The following SND1 variants were observed in gnomAD, a reference collection of about 807,000 sequenced individuals.
SND1 encodes staphylococcal nuclease domain-containing protein 1.
SND1 carries 38 observed loss-of-function variants against 121.7 expected under a neutral mutation model. That is an observed-to-expected ratio of 0.31 (90% CI 0.24 to 0.41). The LOEUF (loss-of-function observed/expected upper bound fraction) is 0.41, where lower values mean the gene tolerates loss of function less well. Ranked by LOEUF, SND1 falls within the 10% of genes least tolerant of loss-of-function variation. SND1 has a pLI of 1.00. For missense variants in SND1, 868 were observed against 1,184.6 expected, an observed-to-expected ratio of 0.73 and a Z score of 3.92; for synonymous variants, 401 against 447.4, an observed-to-expected ratio of 0.90 and a Z score of 1.31.
At chr7:127,996,905 C>T (rs17676986) in intron 16 of SND1, among the ~76,000 whole-genome samples, 19,181 of 152,232 alleles carry the variant, frequency 0.13, 1,504 homozygotes, top group South Asian at 0.24. Context: ...CAGTTCATCA[C>T]CCACCAGTGG....
intron 10 of SND1, among the ~76,000 whole-genome samples, chr7:127,726,750 C>G (rs1219821184): frequency 6.6e-6 from 1 of 152,128 alleles, no homozygotes; most frequent in Non-Finnish European, 1.5e-5. Context: ...TCTGTTCTTG[C>G]GGTGCTATTG....
chr7:127,946,415 A>G lies in SND1; in HGVS notation c.1669+17086A>G, dbSNP rs1801332314. ...TGCAACCCTTATAAATTATTCAGCT[A>G]CTTTATTAATAAAAGACCAAGCAAC... On this transcript the variant is annotated intron_variant, in intron 15 of 23. Coordinates refer to ENST00000354725, the MANE Select transcript of SND1 (RefSeq NM_014390.4). Among the ~76,000 whole-genome samples, 2 of 152,198 alleles carry G rather than the reference A, an allele frequency of 1.3e-5. 1 individual carries two copies. The highest frequency in any genetic ancestry group is 4.1e-4 in the South Asian group (2 of 4,834).
chr7:127,687,486 A>G (rs1266291911), intron 2 of SND1, among the ~76,000 whole-genome samples: 2 of 152,008 alleles, frequency 1.3e-5, no homozygotes, highest in Non-Finnish European at 2.9e-5. Context: ...CCCCTTTTGG[A>G]GTCCCCAGTG....
intron 11 of SND1, among the ~76,000 whole-genome samples, chr7:127,818,632 C>T (rs566142443): frequency 2.6e-5 from 4 of 152,204 alleles, no homozygotes; most frequent in Non-Finnish European, 4.4e-5. Context: ...GCTGTGTGTG[C>T]GTTGTATGAT....
Position 127,656,324 on chromosome 7 carries a change from C to CT in SND1, c.78+3889dup, listed in dbSNP as rs1163685188. ...CTTTTTCTTTTTCTTTTCTTTCTTT[C>CT]TTTTTTTTTTTTTTTTAAGATGGAG... On this transcript the variant is annotated intron_variant, in intron 1 of 23. Transcript: ENST00000354725. 6.7e-3 allele frequency among the ~76,000 whole-genome samples: 923 copies of CT among 137,342 alleles called. 11 individuals carry two copies. The highest frequency in any genetic ancestry group is 0.021 in the African/African-American group (775 of 37,206). The allele number at this position is 137,342 out of a possible 152,430, so 90.1% of individuals were successfully genotyped here.
intron 11 of SND1, among the ~76,000 whole-genome samples, chr7:127,814,017 G>A (rs953306410): frequency 6.6e-6 from 1 of 152,136 alleles, no homozygotes; most frequent in Non-Finnish European, 1.5e-5. Context: ...CAGAATCCTC[G>A]AGATTCTCAT....
intron 16 of SND1, among the ~76,000 whole-genome samples, chr7:128,048,178 G>A (rs961135100): frequency 6.6e-6 from 1 of 151,988 alleles, no homozygotes; most frequent in African/African-American, 2.4e-5. Flanking sequence ...GGACTTCAGA[G>A]AATGCAAGAG....
At chr7:127,770,896 G>C (rs1353650070) in intron 10 of SND1, among the ~76,000 whole-genome samples, 2 of 152,158 alleles carry the variant, frequency 1.3e-5, no homozygotes, top group African/African-American at 4.8e-5. Flanking sequence ...CTGTGATTTA[G>C]GCAGACCAAA....
intron 14 of SND1, among the ~76,000 whole-genome samples, chr7:127,912,695 G>C (rs1800485755): frequency 1.3e-5 from 2 of 152,114 alleles, no homozygotes; most frequent in African/African-American, 2.4e-5. Context: ...ATTTGAATAA[G>C]AGTCAAGACT....
At chr7:127,986,088 T>G (rs532250796) in intron 15 of SND1, among the ~76,000 whole-genome samples, 252 of 152,318 alleles carry the variant, frequency 1.7e-3, no homozygotes, top group Non-Finnish European at 3.2e-3. Flanking sequence ...GAACACATTC[T>G]GAGTCCTGAG....
At chr7:127,752,202 A>G (rs1285755727) in intron 10 of SND1, among the ~76,000 whole-genome samples, 1 of 152,072 alleles carries the variant, frequency 6.6e-6, no homozygotes, top group African/African-American at 2.4e-5. Flanking sequence ...TGGTCTCCAT[A>G]TAAATGATGA....
At chr7:127,816,662 CTTTTTTTT>C (rs919893026) in intron 11 of SND1, among the ~76,000 whole-genome samples, 5 of 135,240 alleles carry the variant, frequency 3.7e-5, no homozygotes, top group African/African-American at 1.4e-4. Flanking sequence ...TTCTCAAACT[CTTTTTTTT>C]TTTTTTTTTT....
At chr7:127,705,989 T>C (rs971835966) in intron 8 of SND1, among the ~76,000 whole-genome samples, 1 of 152,208 alleles carries the variant, frequency 6.6e-6, no homozygotes, top group African/African-American at 2.4e-5. Flanking sequence ...TAAAAGTAGA[T>C]ATTAATCTAG....
At position 127,752,261 on chromosome 7, in the gene SND1, G is replaced by T. The variant is rs759130045; in HGVS notation, c.1152+30861G>T. Among the ~76,000 whole-genome samples, 83 of 152,142 alleles carry T rather than the reference G, an allele frequency of 5.5e-4. 1 individual carries two copies. Among genetic ancestry groups the T allele is most frequent in the Non-Finnish European group, 4.1e-4 (28 of 68,022 alleles). On this transcript the variant is annotated intron_variant, in intron 10 of 23. Transcript: ENST00000354725. ...GGTGTCTTGTGGTTTCAAAAAGTGA[G>T]CAGGTGGAAATTTGGAGGGGGTGGG...
intron 16 of SND1, among the ~76,000 whole-genome samples, chr7:128,048,639 C>T (rs1005425606): frequency 3.3e-5 from 5 of 152,142 alleles, no homozygotes; most frequent in African/African-American, 1.2e-4. Flanking sequence ...AACAGCTTCT[C>T]AGTGGTGGCC....
chr7:127,659,646 A>T (rs1267648459), intron 1 of SND1, among the ~76,000 whole-genome samples: 3 of 152,150 alleles, frequency 2.0e-5, no homozygotes, highest in Non-Finnish European at 4.4e-5. Flanking sequence ...AATAAAGGAG[A>T]TTTAAAGAAT....
intron 21 of SND1, 95 bp from the exon 22 acceptor site, chr7:128,089,394 T>C (rs1793738483): frequency 1.6e-6 from 2 of 1,281,208 alleles, no homozygotes; most frequent in Admixed American, 4.1e-5. Flanking sequence ...TACAGGCCCC[T>C]GCTGGCCAGA....
chr7:127,912,759 A>C (rs1037525250), intron 14 of SND1, among the ~76,000 whole-genome samples: 2 of 152,220 alleles, frequency 1.3e-5, no homozygotes, highest in African/African-American at 4.8e-5. Flanking sequence ...GAAGCAAGAG[A>C]AATACAAAAC....
chr7:127,665,386 A>AT (rs1188819526), intron 1 of SND1, among the ~76,000 whole-genome samples: 4 of 152,072 alleles, frequency 2.6e-5, no homozygotes, highest in East Asian at 1.9e-4. Flanking sequence ...ATGGGGTTTC[A>AT]CCGTGTTAGC....
Sources: gnomAD v4.1 joint callset for allele counts (sites outside exome capture counted in the v4.1 genomes callset) on GRCh38, gnomAD v4.1.1 for gene constraint, MANE v1.5 for transcripts, NCBI Gene and HGNC (gene_info 2026-07-23, HGNC 2026-07-21) for gene names.